The following GLYATL2 variants were observed in gnomAD, a reference collection of about 807,000 sequenced individuals.
The protein encoded by GLYATL2 is glycine N-acyltransferase-like protein 2.
A neutral mutation model predicts 21.4 loss-of-function variants in GLYATL2; 25 were observed. The observed-to-expected ratio is 1.17, with a 90% confidence interval of 0.85 to 1.63. The LOEUF (loss-of-function observed/expected upper bound fraction) is 1.63, where lower values mean the gene tolerates loss of function less well. GLYATL2 is among the 40% of genes most tolerant of loss of function. The pLI is 0.00. For missense variants in GLYATL2, 361 were observed against 343.3 expected, an observed-to-expected ratio of 1.05 and a Z score of -0.41; for synonymous variants, 114 against 118.2, an observed-to-expected ratio of 0.96 and a Z score of 0.23.
chr11:58,909,557 T>C, the GLYATL2 span, among the ~76,000 whole-genome samples: 1 of 152,322 alleles, frequency 6.6e-6, no homozygotes, highest in Middle Eastern at 3.4e-3. Context: ...TAATTTATTC[T>C]TTTAAAAGAA....
At chr11:58,845,352 A>G (rs4939228), upstream of GLYATL2, among the ~76,000 whole-genome samples, 39,945 of 152,088 alleles carry the variant, frequency 0.26, 5,718 homozygotes, top group East Asian at 0.5. Context: ...GGTAATACCA[A>G]CTACTTGGGA....
chr11:58,887,204 T>A (rs1256117017), intron 1 of GLYATL2, among the ~76,000 whole-genome samples: 1 of 152,096 alleles, frequency 6.6e-6, no homozygotes, highest in Non-Finnish European at 1.5e-5. Flanking sequence ...AGTTAGTCAA[T>A]AAACAAAAAT....
At chr11:58,849,102 T>A (rs562739101), upstream of GLYATL2, among the ~76,000 whole-genome samples, 1 of 152,226 alleles carries the variant, frequency 6.6e-6, no homozygotes, top group Non-Finnish European at 1.5e-5. Flanking sequence ...AAAATATTCT[T>A]CAAAAATGAA....
intron 1 of GLYATL2, among the ~76,000 whole-genome samples, chr11:58,855,309 A>AC (rs1469344895): frequency 6.6e-6 from 1 of 152,232 alleles, no homozygotes; most frequent in East Asian, 1.9e-4. Flanking sequence ...AAGCATGAAA[A>AC]AAAATTAATG....
chr11:58,876,033 A>C (rs924049148), intron 1 of GLYATL2, among the ~76,000 whole-genome samples: 2 of 151,852 alleles, frequency 1.3e-5, no homozygotes, highest in Non-Finnish European at 2.9e-5. Flanking sequence ...GCTTCATTTC[A>C]TTCATTTCAT....
intron 5 of GLYATL2, among the ~76,000 whole-genome samples, chr11:58,835,860 C>T (rs1853421635): frequency 6.6e-6 from 1 of 152,144 alleles, no homozygotes; most frequent in African/African-American, 2.4e-5. Context: ...TATTTAATCC[C>T]CATTTATCAT....
At chr11:58,907,924 A>C (rs1279757309), upstream of GLYATL2, 1 of 153,292 alleles carries the variant, frequency 6.5e-6, no homozygotes, top group Admixed American at 6.5e-5. Flanking sequence ...GAAGTTTTCT[A>C]GTCGGATTTT....
intron 1 of GLYATL2, among the ~76,000 whole-genome samples, chr11:58,896,006 C>G (rs376970026): frequency 1.8e-4 from 27 of 152,102 alleles, no homozygotes; most frequent in Non-Finnish European, 3.8e-4. Flanking sequence ...GCGCCCACCA[C>G]CACGCCTGGC....
chr11:58,909,476 T>C, the GLYATL2 span, among the ~76,000 whole-genome samples: 4 of 152,206 alleles, frequency 2.6e-5, no homozygotes, highest in Non-Finnish European at 4.4e-5. Flanking sequence ...CTGGTGATAA[T>C]GTATCTCCAC....
chr11:58,849,914 A>G (rs1433065376), intron 1 of GLYATL2, among the ~76,000 whole-genome samples: 1 of 152,152 alleles, frequency 6.6e-6, no homozygotes, highest in Non-Finnish European at 1.5e-5. Flanking sequence ...CAGCACATGT[A>G]TCCCAGAACT....
intron 1 of GLYATL2, chr11:58,893,138 C>A: frequency 2.5e-6 from 1 of 402,168 alleles, no homozygotes; most frequent in Non-Finnish European, 4.7e-6. Context: ...AGGAGCCTTC[C>A]TTACATCAAG....
intron 1 of GLYATL2, among the ~76,000 whole-genome samples, chr11:58,897,894 C>T (rs1854661782): frequency 6.6e-6 from 1 of 152,110 alleles, no homozygotes; most frequent in African/African-American, 2.4e-5. Flanking sequence ...TATTGATTGC[C>T]TAGAAAATGA....
chr11:58,847,961 C>A (rs1943293), upstream of GLYATL2, among the ~76,000 whole-genome samples: 2 of 149,968 alleles, frequency 1.3e-5, no homozygotes, highest in African/African-American at 2.5e-5. Flanking sequence ...TGTCACTCCA[C>A]CCCCAATTTT....
chr11:58,854,386 C>T (rs1565094143), intron 1 of GLYATL2, among the ~76,000 whole-genome samples: 1 of 152,152 alleles, frequency 6.6e-6, no homozygotes, highest in Non-Finnish European at 1.5e-5. Context: ...TTATGGTTTC[C>T]CAGTGCATAT....
intron 1 of GLYATL2, among the ~76,000 whole-genome samples, chr11:58,859,762 A>G (rs1853898940): frequency 6.6e-6 from 1 of 152,142 alleles, no homozygotes; most frequent in Non-Finnish European, 1.5e-5. Context: ...TCCTACCTTT[A>G]AGTCCTTAAA....
chr11:58,905,290 G>A (rs1305767975), upstream of GLYATL2: 2 of 374,540 alleles, frequency 5.3e-6, no homozygotes, highest in Non-Finnish European at 1.1e-5. Flanking sequence ...TAGACCTCAC[G>A]CAGACGCGGG....
intron 1 of GLYATL2, among the ~76,000 whole-genome samples, chr11:58,868,110 C>T (rs1341628817): frequency 6.7e-6 from 1 of 148,742 alleles, no homozygotes; most frequent in African/African-American, 2.4e-5. Flanking sequence ...TTCTCCTGGC[C>T]AAAGTCCTGA....
At chr11:58,863,780 G>A (rs1853974971) in intron 1 of GLYATL2, among the ~76,000 whole-genome samples, 1 of 152,130 alleles carries the variant, frequency 6.6e-6, no homozygotes, top group South Asian at 2.1e-4. Flanking sequence ...TCCTAGGACT[G>A]TAGGAACTGC....
intron 1 of GLYATL2, among the ~76,000 whole-genome samples, chr11:58,863,400 G>C (rs1476432068): frequency 6.6e-6 from 1 of 152,220 alleles, no homozygotes; most frequent in African/African-American, 2.4e-5. Flanking sequence ...CTAGGATATT[G>C]GTAGATGGGG....
Sources: gnomAD v4.1 joint callset for allele counts (sites outside exome capture counted in the v4.1 genomes callset) on GRCh38, gnomAD v4.1.1 for gene constraint, MANE v1.5 for transcripts, NCBI Gene and HGNC (gene_info 2026-07-23, HGNC 2026-07-21) for gene names.